Variants in HLCS observed in about 807,000 individuals in gnomAD.
HLCS encodes biotin--protein ligase.
HLCS carries 53 observed loss-of-function variants against 75.0 expected under a neutral mutation model. That is an observed-to-expected ratio of 0.71 (90% CI 0.57 to 0.89). The LOEUF is 0.89. Ranked by LOEUF, HLCS falls within the 40% of genes least tolerant of loss-of-function variation. HLCS has a pLI of 0.00. For synonymous variants in HLCS, 431 were observed against 428.6 expected (o/e 1.01, Z -0.07); for missense variants, 966 against 1,074.0 (o/e 0.90, Z 1.41).
rs1315186602 is a variant in HLCS at position 36,754,108 on chromosome 21, AAAAAC to A, written c.*133_*137del. The A allele has an allele frequency of 1.1e-5, 11 of 986,540 alleles. No homozygotes were observed. Among genetic ancestry groups the A allele is most frequent in the Non-Finnish European group, 7.6e-6 (5 of 658,030 alleles). The allele number at this position is 986,540 out of a possible 1,614,324, so 61.1% of individuals were successfully genotyped here. ...AAGAAAACGACAACAAAACAAACCT[AAAAAC>A]AAACAGAAACACAGAAAAAGAACAA... is the stretch of plus-strand genomic sequence containing the variant. On this transcript the variant is annotated 3_prime_UTR_variant, in exon 11 of 11. Coordinates refer to ENST00000674895, the MANE Select transcript of HLCS (RefSeq NM_001352514.2).
Position 36,755,706 on chromosome 21 carries a change from C to T in HLCS, c.2450+836G>A, listed in dbSNP as rs117976336. 7.9e-4 allele frequency among the ~76,000 whole-genome samples: 120 copies of T among 152,358 alleles called. No individual in the cohort carries two copies. The East Asian group carries it at 0.02, about 25-fold the overall frequency. ...CCTTCTTTTGGTCTAATTGTTTGTG[C>T]GCAGACCTGACATTTTTGCAGGGCA... On this transcript the variant is annotated intron_variant, in intron 10 of 10. Coordinates refer to ENST00000674895, the MANE Select transcript of HLCS (RefSeq NM_001352514.2).
intron 4 of HLCS, among the ~76,000 whole-genome samples, chr21:36,931,760 A>G (rs200682316): frequency 4.0e-4 from 61 of 152,054 alleles, no homozygotes; most frequent in East Asian, 1.3e-3. Context: ...AGAAAAAAAA[A>G]AGAGAGAGAG....
intron 6 of HLCS, among the ~76,000 whole-genome samples, chr21:36,848,077 G>A (rs984160833): frequency 2.0e-5 from 3 of 151,976 alleles, no homozygotes; most frequent in African/African-American, 4.8e-5. Context: ...ATGGCAAAGC[G>A]ACGAACATCC....
chr21:36,754,356 C>T lies in HLCS; in HGVS notation c.2512G>A (p.Asp838Asn), dbSNP rs139697458. The T allele has an allele frequency of 1.0e-4, 168 of 1,613,882 alleles. No homozygotes were observed. Among genetic ancestry groups the T allele is most frequent in the Middle Eastern group, 3.3e-4 (2 of 6,084 alleles). The part of the protein sequence containing the change: ...GPKVSIVGLD[D>N]SGFLQVHQEG... ...TGGTGAACCTGGAGGAAGCCAGAAT[C>T]GTCCAGGCCAACGATGGACACCTTT... The change falls in exon 11 of 11, where the codon GAT (aspartate) becomes AAT (asparagine). Residue 838 changes from aspartate to asparagine, a missense_variant. By Grantham distance (23) the Asp-to-Asn change is conservative. Transcript: ENST00000674895.
chr21:36,936,366 G>T, intron 4 of HLCS, 83 bp downstream of exon 4: 1 of 1,205,386 alleles, frequency 8.3e-7, no homozygotes. Flanking sequence ...AAACTTTTAA[G>T]CGTGTACCTT....
chr21:36,946,428 G>A (rs998182461), intron 2 of HLCS, among the ~76,000 whole-genome samples: 1 of 151,834 alleles, frequency 6.6e-6, no homozygotes, highest in Non-Finnish European at 1.5e-5. Flanking sequence ...TTTTTGTAGA[G>A]ACGAGAATTC....
intron 6 of HLCS, among the ~76,000 whole-genome samples, chr21:36,802,729 G>A (rs779551905): frequency 1.3e-5 from 2 of 152,160 alleles, no homozygotes; most frequent in Non-Finnish European, 2.9e-5. Flanking sequence ...ACAGATTTAT[G>A]ACAGAAGTAG....
In HLCS at chr21:36,831,434, C is replaced by T. The variant is rs1242790189; in HGVS notation, c.1893-64149G>A. Among the ~76,000 whole-genome samples the T allele has an allele frequency of 5.3e-5, 8 of 152,168 alleles. No individual in the cohort carries two copies. In the South Asian group the frequency reaches 1.5e-3, roughly 28 times the overall value. On this transcript the variant is annotated intron_variant, in intron 6 of 10. Transcript: ENST00000674895. Reference sequence around the variant, plus strand: ...GTGGCTCACACCTGTAATCTCAGCACTTTGGGAGGGCGAGGTGGGCAGATC... The same window carrying T: ...GTGGCTCACACCTGTAATCTCAGCATTTTGGGAGGGCGAGGTGGGCAGATC...
At position 36,770,141 on chromosome 21, in the gene HLCS, C is replaced by CTTTTTTT. The variant is rs902358188; in HGVS notation, c.1893-2863_1893-2857dup. Among the ~76,000 whole-genome samples, 7 of 103,632 alleles carry CTTTTTTT rather than the reference C, an allele frequency of 6.8e-5. 1 individual carries two copies. Among genetic ancestry groups the CTTTTTTT allele is most frequent in the Admixed American group, 1.0e-4 (1 of 9,882 alleles). The allele number at this position is 103,632 out of a possible 152,430, so 68.0% of individuals were successfully genotyped here. A position where few individuals can be genotyped will look rare whatever the true frequency, so the allele number is the denominator to read the frequency against. ...AAAGCAGCATACAAAACTATAGATG[C>CTTTTTTT]TTTTTTTTTTTTTTTTTTTTTTGAG... On this transcript the variant is annotated intron_variant, in intron 6 of 10. Coordinates refer to ENST00000674895, the MANE Select transcript of HLCS (RefSeq NM_001352514.2).
intron 2 of HLCS, among the ~76,000 whole-genome samples, chr21:36,955,956 T>A (rs1344527789): frequency 6.6e-6 from 1 of 152,188 alleles, no homozygotes; most frequent in Non-Finnish European, 1.5e-5. Context: ...GCTGTACAGG[T>A]TTATAGCCTA....
intron 6 of HLCS, among the ~76,000 whole-genome samples, chr21:36,818,321 C>T (rs994820124): frequency 1.3e-5 from 2 of 152,148 alleles, no homozygotes; most frequent in African/African-American, 2.4e-5. Context: ...GCACATAGGC[C>T]GTGATGAATG....
chr21:36,851,232 T>C (rs1022175914), intron 6 of HLCS, among the ~76,000 whole-genome samples: 2 of 152,216 alleles, frequency 1.3e-5, no homozygotes, highest in African/African-American at 2.4e-5. Context: ...TGCACTCCCA[T>C]GTTTATTGCA....
intron 5 of HLCS, among the ~76,000 whole-genome samples, chr21:36,928,962 TA>T (rs910713899): frequency 1.3e-5 from 2 of 152,104 alleles, no homozygotes; most frequent in African/African-American, 4.8e-5. Context: ...CCAGGCTGTT[TA>T]AAAAACTGGA....
At chr21:36,939,418 C>T (rs994068206) in intron 2 of HLCS, among the ~76,000 whole-genome samples, 3 of 152,204 alleles carry the variant, frequency 2.0e-5, no homozygotes, top group Non-Finnish European at 4.4e-5. Flanking sequence ...CCAAGTGCAA[C>T]TGACCTCCCA....
chr21:36,820,611 C>T (rs2061808618), intron 6 of HLCS, among the ~76,000 whole-genome samples: 1 of 152,266 alleles, frequency 6.6e-6, no homozygotes, highest in African/African-American at 2.4e-5. Context: ...GGACTTTGGG[C>T]ACCAACAAGC....
At chr21:36,832,289 GA>G in intron 6 of HLCS, among the ~76,000 whole-genome samples, 2 of 152,238 alleles carry the variant, frequency 1.3e-5, no homozygotes, top group Admixed American at 1.3e-4. Flanking sequence ...AGAAAAGGAA[GA>G]CAAAGATTTC....
intron 6 of HLCS, among the ~76,000 whole-genome samples, chr21:36,892,732 G>A (rs568283006): frequency 6.6e-6 from 1 of 152,254 alleles, no homozygotes; most frequent in African/African-American, 2.4e-5. Context: ...ATTTTCAGCT[G>A]GTGCAGGTTC....
chr21:36,821,090 G>A (rs1005005320), intron 6 of HLCS, among the ~76,000 whole-genome samples: 4 of 152,196 alleles, frequency 2.6e-5, no homozygotes, highest in Non-Finnish European at 4.4e-5. Context: ...AAGGAACCAC[G>A]TGTTCATCTG....
At chr21:36,818,330 T>C (rs2061723213) in intron 6 of HLCS, among the ~76,000 whole-genome samples, 1 of 152,226 alleles carries the variant, frequency 6.6e-6, no homozygotes, top group Admixed American at 6.5e-5. Flanking sequence ...CCGTGATGAA[T>C]GAGAACTAAA....
Sources: gnomAD v4.1 joint callset for allele counts (sites outside exome capture counted in the v4.1 genomes callset) on GRCh38, gnomAD v4.1.1 for gene constraint, MANE v1.5 for transcripts, NCBI Gene and HGNC (gene_info 2026-07-23, HGNC 2026-07-21) for gene names.